Variants in ZBTB7C observed in about 807,000 individuals in gnomAD.
ZBTB7C encodes zinc finger and BTB domain containing 7C, also known as zinc finger and BTB domain-containing protein 7C.
Under a neutral mutation model 25.7 loss-of-function variants are expected in ZBTB7C, and 8 were observed. The ratio of observed to expected loss-of-function variants is 0.31; its 90% CI spans 0.18 to 0.56. The LOEUF (loss-of-function observed/expected upper bound fraction) is 0.56, where lower values mean the gene tolerates loss of function less well. ZBTB7C is among the 20% of genes least tolerant of loss of function. The pLI, the probability that ZBTB7C is intolerant of heterozygous loss-of-function variation, is 0.91. For synonymous variants in ZBTB7C, 394 were observed against 369.0 expected, an observed-to-expected ratio of 1.07 and a Z score of -0.78; for missense variants, 824 against 855.2, an observed-to-expected ratio of 0.96 and a Z score of 0.46.
chr18:48,157,791 T>C (rs2040881081), intron 3 of ZBTB7C, among the ~76,000 whole-genome samples: 4 of 152,166 alleles, frequency 2.6e-5, no homozygotes, highest in Admixed American at 2.6e-4. Context: ...ATATATCAGG[T>C]GCCACATAAG....
At chr18:48,126,644 C>T (rs1366585158) in intron 3 of ZBTB7C, among the ~76,000 whole-genome samples, 1 of 152,188 alleles carries the variant, frequency 6.6e-6, no homozygotes, top group Non-Finnish European at 1.5e-5. Flanking sequence ...TGGCATGTGA[C>T]ACTTCCATTG....
intron 3 of ZBTB7C, among the ~76,000 whole-genome samples, chr18:48,084,159 C>T (rs889075603): frequency 1.1e-4 from 16 of 152,142 alleles, no homozygotes; most frequent in Non-Finnish European, 2.9e-5. Flanking sequence ...CTCCTAGCCC[C>T]GGAGCAACTA....
At chr18:48,217,241 G>A (rs73955347) in intron 2 of ZBTB7C, among the ~76,000 whole-genome samples, 10,468 of 152,182 alleles carry the variant, frequency 0.069, 439 homozygotes, top group Middle Eastern at 0.15. Flanking sequence ...CTGAGCAAAC[G>A]AAAACACCAT....
intron 2 of ZBTB7C, among the ~76,000 whole-genome samples, chr18:48,304,895 T>C (rs2045634742): frequency 6.6e-6 from 1 of 151,038 alleles, no homozygotes; most frequent in Non-Finnish European, 1.5e-5. Context: ...TTCTGACACC[T>C]TGACTTCATT....
intron 3 of ZBTB7C, among the ~76,000 whole-genome samples, chr18:48,133,362 T>A (rs1243116315): frequency 6.6e-6 from 1 of 152,188 alleles, no homozygotes; most frequent in African/African-American, 2.4e-5. Flanking sequence ...AAAGGGAAAA[T>A]GACAGAAGAG....
chr18:48,257,774 T>C (rs2044060380), intron 2 of ZBTB7C, among the ~76,000 whole-genome samples: 1 of 150,150 alleles, frequency 6.7e-6, no homozygotes, highest in African/African-American at 2.5e-5. Flanking sequence ...TAAGGCGCTG[T>C]ATTAACAAGC....
intron 2 of ZBTB7C, among the ~76,000 whole-genome samples, chr18:48,311,625 A>G (rs912466380): frequency 5.9e-5 from 9 of 151,648 alleles, no homozygotes; most frequent in Admixed American, 6.6e-5. Context: ...TGTGCCCAAT[A>G]ATATGGCTAT....
intron 2 of ZBTB7C, among the ~76,000 whole-genome samples, chr18:48,222,743 C>T (rs1191331499): frequency 6.6e-6 from 1 of 152,152 alleles, no homozygotes; most frequent in Non-Finnish European, 1.5e-5. Flanking sequence ...ACCATTATCA[C>T]AATTTACAAG....
intron 3 of ZBTB7C, among the ~76,000 whole-genome samples, chr18:48,107,325 A>C (rs888828789): frequency 4.0e-5 from 6 of 150,610 alleles, no homozygotes; most frequent in Non-Finnish European, 8.9e-5. Flanking sequence ...AGGAGGGTGA[A>C]AGGCAATGGG....
chr18:48,104,074 T>C (rs1598884395), intron 3 of ZBTB7C, among the ~76,000 whole-genome samples: 1 of 152,126 alleles, frequency 6.6e-6, no homozygotes, highest in South Asian at 2.1e-4. Context: ...ACACTTTTAA[T>C]GAGTGGGTTG....
chr18:48,390,718 G>A (rs756903818), intron 1 of ZBTB7C, among the ~76,000 whole-genome samples: 5 of 152,194 alleles, frequency 3.3e-5, no homozygotes, highest in Non-Finnish European at 4.4e-5. Context: ...CCAAGGTGTG[G>A]TTCCAGCCCC....
chr18:48,399,507 C>A (rs181803856), intron 1 of ZBTB7C, among the ~76,000 whole-genome samples: 3 of 152,290 alleles, frequency 2.0e-5, no homozygotes, highest in African/African-American at 7.2e-5. Context: ...TGAGGAGGCA[C>A]CGTGGCTGCA....
chr18:48,393,019 G>T (rs985270018), intron 1 of ZBTB7C, among the ~76,000 whole-genome samples: 2 of 152,180 alleles, frequency 1.3e-5, no homozygotes, highest in African/African-American at 2.4e-5. Flanking sequence ...TCAGAAATTC[G>T]CTTCAGCACT....
At position 48,040,386 on chromosome 18, in the gene ZBTB7C, A is replaced by T. The variant is rs756663593; in HGVS notation, c.722T>A (p.Ile241Asn). The T allele has an allele frequency of 1.9e-6, 3 of 1,611,966 alleles. No individual in the cohort carries two copies. The highest frequency in any genetic ancestry group is 2.5e-6 in the Non-Finnish European group (3 of 1,178,998). ...LRENLYPKANIPDRRPSLSPF... is the reference protein window; with the variant it reads ...LRENLYPKANNPDRRPSLSPF... ...AGACAAGGAGGGTCTCCTGTCGGGG[A>T]TGTTGGCCTTGGGGTACAGGTTCTC... Residue 241 changes from isoleucine (I) to asparagine (N), a missense_variant, in exon 4 of 5, where the codon ATC becomes AAC. Transcript: ENST00000590800.
At chr18:48,355,986 C>T (rs868801591) in intron 1 of ZBTB7C, among the ~76,000 whole-genome samples, 2 of 152,176 alleles carry the variant, frequency 1.3e-5, no homozygotes, top group Non-Finnish European at 1.5e-5. Context: ...ACAGCAGCAA[C>T]AGGCAACTTG....
intron 3 of ZBTB7C, among the ~76,000 whole-genome samples, chr18:48,161,705 G>GGCCCGGGCGCCCCGCCCCA (rs974953578): frequency 1.3e-5 from 2 of 150,818 alleles, no homozygotes; most frequent in East Asian, 2.0e-4. Context: ...GGCCCGGCCC[G>GGCCCGGGCGCCCCGCCCCA]GCCCGGGCGC....
chr18:48,377,663 A>C (rs150226551), intron 1 of ZBTB7C, among the ~76,000 whole-genome samples: 1 of 152,366 alleles, frequency 6.6e-6, no homozygotes, highest in African/African-American at 2.4e-5. Flanking sequence ...AATGGGAAGA[A>C]CTGGAGAAGA....
At chr18:48,215,884 G>A (rs549703020) in intron 2 of ZBTB7C, among the ~76,000 whole-genome samples, 1 of 152,338 alleles carries the variant, frequency 6.6e-6, no homozygotes, top group South Asian at 2.1e-4. Context: ...TTGGGGTAAA[G>A]TACTTTGATT....
At position 48,212,452 on chromosome 18, in the gene ZBTB7C, A is replaced by T. The variant is rs536482494; in HGVS notation, c.-78-26457T>A. 3.3e-5 allele frequency among the ~76,000 whole-genome samples: 5 copies of T among 152,180 alleles called. No individual in the cohort carries two copies. In the South Asian group the frequency reaches 8.3e-4, roughly 25 times the overall value. ...CAAACCTATAGAATATACCACACTA[A>T]GAGTGAACCCTAATGTAAACTATGG... On this transcript the variant is annotated intron_variant, in intron 2 of 4. Transcript: ENST00000590800.
Sources: gnomAD v4.1 joint callset for allele counts (sites outside exome capture counted in the v4.1 genomes callset) on GRCh38, gnomAD v4.1.1 for gene constraint, MANE v1.5 for transcripts, NCBI Gene and HGNC (gene_info 2026-07-23, HGNC 2026-07-21) for gene names.